Variants in CHRNB4 observed in about 807,000 individuals in gnomAD.
The protein encoded by CHRNB4 is neuronal acetylcholine receptor subunit beta-4.
Under a neutral mutation model 40.4 loss-of-function variants are expected in CHRNB4, and 23 were observed. The observed-to-expected ratio is 0.57, with a 90% CI of 0.41 to 0.81. The LOEUF (loss-of-function observed/expected upper bound fraction) is 0.81. CHRNB4 is among the 30% of genes least tolerant of loss of function. The pLI is 0.00. For synonymous variants in CHRNB4, 285 were observed against 274.4 expected (o/e 1.04, Z -0.38); for missense variants, 568 against 670.6 (o/e 0.85, Z 1.69).
At chr15:78,625,435 G>T in intron 5 of CHRNB4, 144 bp from the exon 6 acceptor site, 1 of 717,468 alleles carries the variant, frequency 1.4e-6, no homozygotes, top group Non-Finnish European at 2.1e-6. Flanking sequence ...CTGAGTCCCA[G>T]GCTGGCCTCC....
chr15:78,653,779 C>T (rs1005081824), intron 5 of CHRNB4, among the ~76,000 whole-genome samples: 1 of 152,182 alleles, frequency 6.6e-6, no homozygotes, highest in Non-Finnish European at 1.5e-5. Context: ...GGGGCTGAAA[C>T]TTTGTTAGAT....
upstream of CHRNB4, among the ~76,000 whole-genome samples, chr15:78,644,319 G>A (rs1319080314): frequency 6.6e-6 from 1 of 150,944 alleles, no homozygotes; most frequent in East Asian, 1.9e-4. Flanking sequence ...ATATTAAGAG[G>A]TAGGGCCTTT....
chr15:78,632,200 T>G (rs62010337), intron 2 of CHRNB4, among the ~76,000 whole-genome samples: 83 of 84,698 alleles, frequency 9.8e-4, no homozygotes, highest in East Asian at 2.9e-3. Context: ...TTTCTTTCTT[T>G]CTTTCTTTCT....
chr15:78,632,891 A>G (rs2053864449), intron 2 of CHRNB4, among the ~76,000 whole-genome samples: 1 of 152,120 alleles, frequency 6.6e-6, no homozygotes, highest in South Asian at 2.1e-4. Context: ...ATACACACAC[A>G]TACATCTCTT....
At chr15:78,640,394 C>G (rs1306214117) in intron 1 of CHRNB4, among the ~76,000 whole-genome samples, 1 of 152,242 alleles carries the variant, frequency 6.6e-6, no homozygotes, top group Admixed American at 6.5e-5. Context: ...CTTCACCAGC[C>G]TGGCCCTCAG....
chr15:78,648,391 CAAAAAAA>C (rs745703762), intron 7 of CHRNB4, among the ~76,000 whole-genome samples: 3 of 73,510 alleles, frequency 4.1e-5, no homozygotes, highest in East Asian at 3.3e-4. Flanking sequence ...AGACTTGCCT[CAAAAAAA>C]AAAAAAAAAA....
At chr15:78,627,873 C>A (rs1462921062) in intron 5 of CHRNB4, 1 of 152,134 alleles carries the variant, frequency 6.6e-6, no homozygotes, top group Admixed American at 6.6e-5. Flanking sequence ...TTTAAAAAAT[C>A]CGTAATTCTA....
intron 5 of CHRNB4, chr15:78,626,310 TTTC>T (rs2053651744): frequency 6.6e-6 from 1 of 152,480 alleles, no homozygotes; most frequent in South Asian, 2.1e-4. Context: ...CTTTCCTGGG[TTTC>T]TTTTTAACAG....
chr15:78,642,490 G>T (rs1320325651), upstream of CHRNB4, among the ~76,000 whole-genome samples: 2 of 152,226 alleles, frequency 1.3e-5, no homozygotes, highest in Non-Finnish European at 2.9e-5. Flanking sequence ...GGGACCAAAA[G>T]ACTCTTGGCT....
intron 7 of CHRNB4, among the ~76,000 whole-genome samples, chr15:78,648,934 A>G (rs1172742921): frequency 6.6e-6 from 1 of 151,544 alleles, no homozygotes; most frequent in East Asian, 1.9e-4. Context: ...ATGCCACCAC[A>G]CCTGGCTAAT....
At position 78,641,105 on chromosome 15, in the gene CHRNB4, AAAAGG is replaced by A; in HGVS notation, c.24_28del (p.Phe10ProfsTer31). On this transcript the variant is annotated frameshift_variant, in exon 1 of 6. Transcript: ENST00000261751. LOFTEE classifies it high-confidence loss of function. ...GCGCCCGCAAAGGGCGACCAGGAAG[AAAAGG>A]ACCAGGGAAGGCGCGCGCCTCATGG... 6.3e-7 allele frequency: 1 copy of A among 1,582,832 alleles called. No individual in the cohort carries two copies. Among genetic ancestry groups the A allele is most frequent in the East Asian group, 2.3e-5 (1 of 43,498 alleles).
intron 5 of CHRNB4, among the ~76,000 whole-genome samples, chr15:78,654,122 G>C (rs2141410641): frequency 1.3e-5 from 2 of 152,306 alleles, no homozygotes; most frequent in South Asian, 4.1e-4. Flanking sequence ...ATGTGCTTCA[G>C]GGATGGATGA....
chr15:78,641,705 G>A (rs565420229), upstream of CHRNB4, among the ~76,000 whole-genome samples: 1 of 152,212 alleles, frequency 6.6e-6, no homozygotes, highest in Non-Finnish European at 1.5e-5. Context: ...TGGAATCTGG[G>A]AGGGTGAATA....
upstream of CHRNB4, chr15:78,661,005 T>C: frequency 1.9e-6 from 1 of 513,962 alleles, no homozygotes; most frequent in East Asian, 4.6e-5. Context: ...TCTCTCTTCT[T>C]CCAAAATCTT....
chr15:78,627,768 T>G (rs547055682), intron 5 of CHRNB4: 1 of 152,366 alleles, frequency 6.6e-6, no homozygotes, highest in African/African-American at 2.4e-5. Context: ...ACTATGACAT[T>G]GTCCTTAGAA....
intron 5 of CHRNB4, chr15:78,626,462 C>T (rs76152270): frequency 0.025 from 3,808 of 151,500 alleles, 80 homozygotes; most frequent in African/African-American, 0.06. Flanking sequence ...AGATGAGAAG[C>T]GGCGTGGGCT....
upstream of CHRNB4, chr15:78,660,822 A>G (rs930960354): frequency 1.3e-5 from 4 of 302,542 alleles, no homozygotes; most frequent in Non-Finnish European, 2.6e-5. Flanking sequence ...AGGCGGGGCT[A>G]GGGTGGGTAA....
In CHRNB4 at chr15:78,629,612, C is replaced by T. The variant is rs746827194; in HGVS notation, c.693G>A (p.Lys231=). Residue 231 remains lysine, a synonymous_variant, in exon 5 of 6, where the codon AAG becomes AAA. Coordinates refer to ENST00000261751, the MANE Select transcript of CHRNB4 (RefSeq NM_000750.5). This position sits in a 1 kb window ranked among gnomAD's most constrained non-coding sequence, Gnocchi z 6.8. ...TGAGGTTGATGGTGTAGAACAGAGG[C>T]TTGCGCTTGATGATGAAGTCGTAAG... ...DVTYDFIIKR[K]PLFYTINLII... 9 of 1,614,018 alleles carry T rather than the reference C, an allele frequency of 5.6e-6. No individual in the cohort carries two copies. Among genetic ancestry groups the T allele is most frequent in the Non-Finnish European group, 5.9e-6 (7 of 1,179,976 alleles).
upstream of CHRNB4, among the ~76,000 whole-genome samples, chr15:78,642,859 G>C (rs550303945): frequency 1.3e-5 from 2 of 152,312 alleles, no homozygotes; most frequent in South Asian, 4.1e-4. Context: ...TTGTCACAGA[G>C]AGACAGCACA....
Sources: gnomAD v4.1 joint callset for allele counts (sites outside exome capture counted in the v4.1 genomes callset) on GRCh38, gnomAD v4.1.1 for gene constraint, Gnocchi (gnomAD v3.1) non-coding constraint, MANE v1.5 for transcripts, NCBI Gene and HGNC (gene_info 2026-07-23, HGNC 2026-07-21) for gene names.